Variants in SPATA17 observed in about 807,000 individuals in gnomAD.
SPATA17 encodes spermatogenesis associated 17.
Under a neutral mutation model 62.2 loss-of-function variants are expected in SPATA17, and 53 were observed. The ratio of observed to expected loss-of-function variants is 0.85; its 90% confidence interval spans 0.68 to 1.07. SPATA17 has a LOEUF of 1.07. SPATA17 is among the 50% of genes least tolerant of loss of function. The probability of loss-of-function intolerance (pLI) is 0.00; values close to 1 mark genes in which losing one functional copy is unlikely to be tolerated. For missense variants in SPATA17, 466 were observed against 425.5 expected (o/e 1.10, Z -0.84); for synonymous variants, 146 against 146.8 (o/e 0.99, Z 0.04).
At chr1:217,844,004 T>A (rs1675468536) in intron 9 of SPATA17, among the ~76,000 whole-genome samples, 1 of 152,144 alleles carries the variant, frequency 6.6e-6, no homozygotes, top group African/African-American at 2.4e-5. Flanking sequence ...TGTTAGTAAG[T>A]CTGATGGTGT....
intron 9 of SPATA17, among the ~76,000 whole-genome samples, chr1:217,812,755 T>C (rs1674622708): frequency 6.6e-6 from 1 of 152,172 alleles, no homozygotes; most frequent in Non-Finnish European, 1.5e-5. Context: ...AAAACATCCT[T>C]TTGGTTGTCA....
At chr1:217,856,833 G>A (rs545043206) in intron 9 of SPATA17, among the ~76,000 whole-genome samples, 6 of 152,168 alleles carry the variant, frequency 3.9e-5, no homozygotes, top group Admixed American at 1.3e-4. Flanking sequence ...CATGCAATGA[G>A]AGCAAAGTTT....
intron 6 of SPATA17, among the ~76,000 whole-genome samples, chr1:217,749,977 C>CTATATATA (rs1418795091): frequency 3.6e-3 from 127 of 35,606 alleles, no homozygotes; most frequent in African/African-American, 4.3e-3. Flanking sequence ...CTCTCTCTCT[C>CTATATATA]TCTCTCTCTA....
chr1:217,709,315 G>A (rs1158509761), intron 5 of SPATA17, among the ~76,000 whole-genome samples: 1 of 152,144 alleles, frequency 6.6e-6, no homozygotes, highest in Non-Finnish European at 1.5e-5. Context: ...TAGGCTTGAA[G>A]TCTCTTTTGA....
chr1:217,777,849 G>T (rs1483118220), intron 7 of SPATA17, among the ~76,000 whole-genome samples: 1 of 151,860 alleles, frequency 6.6e-6, no homozygotes, highest in African/African-American at 2.4e-5. Context: ...GTTTTTTAGG[G>T]GGATATGTCT....
intron 3 of SPATA17, among the ~76,000 whole-genome samples, chr1:217,654,831 G>A (rs945082862): frequency 2.7e-5 from 4 of 150,930 alleles, no homozygotes; most frequent in African/African-American, 9.7e-5. Flanking sequence ...TCCTGCCTCA[G>A]CCTCCCGAGT....
rs1327429772 is a variant in SPATA17, at chr1:217,774,498, G to A, written c.684G>A (p.Arg228=). ...GTACAAGCGCCCGTTCTTTTCCTCG[G>A]TCTGAAATTCTACCACCTATTAATA... is the stretch of plus-strand genomic sequence containing the variant. The part of the protein sequence containing the change: ...LACTSARSFP[R]SEILPPINRK... Residue 228 remains arginine, a synonymous_variant, in exon 7 of 11, where the codon CGG becomes CGA. Coordinates refer to ENST00000366933, the MANE Select transcript of SPATA17 (RefSeq NM_138796.4). The A allele has an allele frequency of 1.2e-6, 2 of 1,613,896 alleles. No individual in the cohort carries two copies.
intron 8 of SPATA17, among the ~76,000 whole-genome samples, chr1:217,801,510 G>A (rs1408205704): frequency 6.6e-6 from 1 of 152,090 alleles, no homozygotes; most frequent in Non-Finnish European, 1.5e-5. Flanking sequence ...GAACATTTTA[G>A]TATCTCTATT....
chr1:217,641,536 A>G (rs1268060497), intron 1 of SPATA17, among the ~76,000 whole-genome samples: 1 of 152,150 alleles, frequency 6.6e-6, no homozygotes, highest in East Asian at 1.9e-4. Flanking sequence ...GATAATAAGG[A>G]GTTAATGGGA....
intron 6 of SPATA17, among the ~76,000 whole-genome samples, chr1:217,767,092 A>G (rs1473399962): frequency 2.0e-5 from 3 of 152,076 alleles, no homozygotes; most frequent in Non-Finnish European, 4.4e-5. Context: ...TTTATCTGAG[A>G]AAGTCTTTAT....
chr1:217,670,387 G>A (rs761115725), intron 4 of SPATA17, among the ~76,000 whole-genome samples: 3 of 152,092 alleles, frequency 2.0e-5, no homozygotes, highest in Admixed American at 2.0e-4. Context: ...TTAGAAAGGT[G>A]CGTACTTTTG....
At chr1:217,657,893 G>A (rs61827782) in intron 3 of SPATA17, among the ~76,000 whole-genome samples, 21,679 of 152,110 alleles carry the variant, frequency 0.14, 1,619 homozygotes, top group Non-Finnish European at 0.17. Flanking sequence ...GGTTGGAGAG[G>A]CCTCACAATC....
At chr1:217,745,750 C>T (rs998441041) in intron 6 of SPATA17, among the ~76,000 whole-genome samples, 4 of 151,972 alleles carry the variant, frequency 2.6e-5, no homozygotes, top group African/African-American at 4.8e-5. Flanking sequence ...CCACAAAAAG[C>T]GCTGAGCCTA....
intron 9 of SPATA17, among the ~76,000 whole-genome samples, chr1:217,823,821 T>C (rs1180680425): frequency 6.6e-6 from 1 of 151,994 alleles, no homozygotes; most frequent in Non-Finnish European, 1.5e-5. Flanking sequence ...TTTTTGATGG[T>C]CATATCATTT....
chr1:217,662,010 A>G (rs1001783106), intron 3 of SPATA17, among the ~76,000 whole-genome samples: 2 of 152,176 alleles, frequency 1.3e-5, no homozygotes, highest in African/African-American at 4.8e-5. Context: ...AAGCAATAGT[A>G]CCACAAAAAT....
chr1:217,775,702 T>TAG (rs942693543), intron 7 of SPATA17, among the ~76,000 whole-genome samples: 5 of 151,688 alleles, frequency 3.3e-5, no homozygotes, highest in East Asian at 1.9e-4. Flanking sequence ...TATATATATA[T>TAG]AGAGAGAGTC....
chr1:217,771,432 A>T (rs1673442713), intron 6 of SPATA17, among the ~76,000 whole-genome samples: 1 of 152,028 alleles, frequency 6.6e-6, no homozygotes, highest in Non-Finnish European at 1.5e-5. Context: ...TCAACAAGAA[A>T]CCATTATTCA....
intron 8 of SPATA17, among the ~76,000 whole-genome samples, chr1:217,782,635 C>A (rs1205167196): frequency 1.3e-5 from 2 of 151,876 alleles, no homozygotes; most frequent in Admixed American, 6.6e-5. Context: ...ATTTATGAAA[C>A]GCCTAAAATA....
chr1:217,757,183 G>A (rs1352902719), intron 6 of SPATA17, among the ~76,000 whole-genome samples: 1 of 152,198 alleles, frequency 6.6e-6, no homozygotes, highest in East Asian at 1.9e-4. Flanking sequence ...AAAGACAGGT[G>A]TTAGAGCCCA....
Sources: gnomAD v4.1 joint callset for allele counts (sites outside exome capture counted in the v4.1 genomes callset) on GRCh38, gnomAD v4.1.1 for gene constraint, MANE v1.5 for transcripts, NCBI Gene and HGNC (gene_info 2026-07-23, HGNC 2026-07-21) for gene names.